ATP7B: variants seen among roughly 807,000 people sequenced by gnomAD.
The protein encoded by ATP7B is copper-transporting ATPase 2.
Under a neutral mutation model 118.9 loss-of-function variants are expected in ATP7B, and 113 were observed. The observed-to-expected ratio is 0.95, with a 90% confidence interval of 0.82 to 1.11. The LOEUF is 1.11. Among genes scored for constraint, ATP7B ranks in the 50% most tolerant of loss-of-function variants. ATP7B has a pLI of 0.00. For synonymous variants in ATP7B, 777 were observed against 727.4 expected (o/e 1.07, Z -1.10); for missense variants, 1,867 against 1,871.4 (o/e 1.00, Z 0.04).
intron 16 of ATP7B, 120 bp from the exon 17 acceptor site, chr13:51,939,313 A>G (rs1291055395): frequency 6.8e-7 from 1 of 1,463,068 alleles, no homozygotes; most frequent in Non-Finnish European, 9.3e-7. Context: ...ATCAAATTAT[A>G]TAACACAATG....
rs964908504 is a variant in ATP7B at position 51,980,746 on chromosome 13, G to T, written c.52-5578C>A. 3.3e-5 allele frequency among the ~76,000 whole-genome samples: 5 copies of T among 152,162 alleles called. No individual in the cohort carries two copies. In the East Asian group the frequency reaches 7.7e-4, roughly 23 times the overall value. On this transcript the variant is annotated intron_variant, in intron 1 of 20. Coordinates refer to ENST00000242839, the MANE Select transcript of ATP7B (RefSeq NM_000053.4). ...TTTGGAGGTCTCTTGATCACTCTTG[G>T]ATTCCCATCAACCTTAAATAGGATA... is the stretch of plus-strand genomic sequence containing the variant.
chr13:51,998,871 T>C (rs1229672332), intron 1 of ATP7B, among the ~76,000 whole-genome samples: 2 of 152,204 alleles, frequency 1.3e-5, no homozygotes, highest in Admixed American at 1.3e-4. Flanking sequence ...AAACATTACC[T>C]GCTCAGTCCA....
At position 51,950,594 on chromosome 13, in the gene ATP7B, G is replaced by A. The variant is rs1193707579; in HGVS notation, c.2448-195C>T. ...TGTTCTAGGCACTGGTGATACAGCT[G>A]TGAATGGCACAGCAAAGGCCCTACT... On this transcript the variant is annotated intron_variant, in intron 9 of 20. Coordinates refer to ENST00000242839, the MANE Select transcript of ATP7B (RefSeq NM_000053.4). Among the ~76,000 whole-genome samples, 4 of 152,200 alleles carry A rather than the reference G, an allele frequency of 2.6e-5. No homozygotes were observed. In the South Asian group the frequency reaches 6.2e-4, roughly 24 times the overall value.
In ATP7B at chr13:51,974,658, G is replaced by A. The variant is rs1412593296; in HGVS notation, c.562C>T (p.Gln188Ter). The change falls in exon 2 of 21, where the codon CAG (glutamine) becomes TAG (stop). Residue 188 changes from glutamine (Q) to a stop codon, truncating the protein, a stop_gained. Transcript: ENST00000242839. LOFTEE classifies it high-confidence loss of function. ...LSNQEAVITY[Q>*]PYLIQPEDLR... ...TCTTCGGGCTGAATGAGATAAGGCT[G>A]ATAAGTGATGACGGCCTCTTGGTTG... is the stretch of plus-strand genomic sequence containing the variant. 3.1e-6 allele frequency: 5 copies of A among 1,611,276 alleles called. No individual in the cohort carries two copies. Among genetic ancestry groups the A allele is most frequent in the Non-Finnish European group, 4.2e-6 (5 of 1,177,934 alleles).
chr13:51,983,196 GAAA>G (rs1952503320), intron 1 of ATP7B, among the ~76,000 whole-genome samples: 12 of 152,322 alleles, frequency 7.9e-5, no homozygotes, highest in Admixed American at 7.2e-4. Flanking sequence ...ACAACAGTCT[GAAA>G]TCGACCTGGG....
chr13:51,972,605 C>A (rs1404297475), intron 2 of ATP7B, among the ~76,000 whole-genome samples: 1 of 152,196 alleles, frequency 6.6e-6, no homozygotes, highest in Non-Finnish European at 1.5e-5. Context: ...CTCTTTCTCA[C>A]CCGGCCTCCT....
chr13:51,989,269 CA>C (rs1413469014), intron 1 of ATP7B, among the ~76,000 whole-genome samples: 4 of 152,036 alleles, frequency 2.6e-5, no homozygotes, highest in African/African-American at 9.7e-5. Context: ...CACAATGGTC[CA>C]AAAAGACTTT....
intron 1 of ATP7B, among the ~76,000 whole-genome samples, chr13:52,002,141 T>G (rs1258026436): frequency 2.0e-5 from 3 of 152,148 alleles, no homozygotes; most frequent in Non-Finnish European, 1.5e-5. Flanking sequence ...TTCCAAGGTC[T>G]AAAACAGTGC....
intron 4 of ATP7B, among the ~76,000 whole-genome samples, 166 bp from the exon 5 acceptor site, chr13:51,965,199 G>A (rs1002588842): frequency 3.3e-5 from 5 of 152,164 alleles, no homozygotes; most frequent in East Asian, 1.9e-4. Context: ...GATTCTCAAC[G>A]TTCCTCCAGC....
chr13:51,980,397 T>C (rs1952357149), intron 1 of ATP7B, among the ~76,000 whole-genome samples: 1 of 151,636 alleles, frequency 6.6e-6, no homozygotes, highest in East Asian at 1.9e-4. Flanking sequence ...CAGAAGGGAG[T>C]CCAAAAGTGA....
chr13:51,984,631 A>T (rs1479827825), intron 1 of ATP7B, among the ~76,000 whole-genome samples: 1 of 152,204 alleles, frequency 6.6e-6, no homozygotes, highest in Admixed American at 6.5e-5. Flanking sequence ...ACCAAGCTTG[A>T]AATGAAGGAA....
chr13:52,009,642 T>C (rs1016930562), intron 1 of ATP7B, among the ~76,000 whole-genome samples: 2 of 152,178 alleles, frequency 1.3e-5, no homozygotes, highest in Admixed American at 6.5e-5. Context: ...CTGCCATTTG[T>C]CAGTTGATTT....
intron 2 of ATP7B, 89 bp downstream of exon 2, chr13:51,973,846 C>T: frequency 6.3e-7 from 1 of 1,576,674 alleles, no homozygotes; most frequent in South Asian, 1.1e-5. Context: ...AGGCAGGGAG[C>T]AGGGCTCACC....
intron 1 of ATP7B, chr13:51,995,455 C>T (rs1395324084): frequency 4.2e-5 from 22 of 528,772 alleles, no homozygotes; most frequent in Non-Finnish European, 4.8e-5. Flanking sequence ...AGGACCACTG[C>T]TTGTGGACAG....
chr13:52,010,426 G>A (rs1953965950), intron 1 of ATP7B, among the ~76,000 whole-genome samples: 1 of 152,170 alleles, frequency 6.6e-6, no homozygotes, highest in East Asian at 1.9e-4. Context: ...GTACAAAGAT[G>A]TTCACTTGCA....
chr13:52,000,355 C>T (rs1953433224), intron 1 of ATP7B, among the ~76,000 whole-genome samples: 1 of 152,182 alleles, frequency 6.6e-6, no homozygotes, highest in Admixed American at 6.5e-5. Context: ...GTGGCTCCCT[C>T]AAGCCTCTTT....
intron 5 of ATP7B, among the ~76,000 whole-genome samples, chr13:51,962,890 G>A (rs144050875): frequency 0.02 from 3,016 of 151,648 alleles, 65 homozygotes; most frequent in South Asian, 0.053. Context: ...TCAGGAGTTC[G>A]AGACCAGCCT....
chr13:51,966,618 AAT>A (rs1951560751), intron 4 of ATP7B: 7 of 745,898 alleles, frequency 9.4e-6, no homozygotes, highest in Non-Finnish European at 1.5e-5. Context: ...ATAAAATCTG[AAT>A]ATGTGATGAC....
At chr13:51,935,724 C>G in intron 19 of ATP7B, 29 bp from the exon 20 acceptor site, 1 of 1,589,956 alleles carries the variant, frequency 6.3e-7, no homozygotes, top group Non-Finnish European at 8.6e-7. Context: ...GCACTCACAC[C>G]TAGGTCTGGG....
Sources: gnomAD v4.1 joint callset for allele counts (sites outside exome capture counted in the v4.1 genomes callset) on GRCh38, gnomAD v4.1.1 for gene constraint, MANE v1.5 for transcripts, NCBI Gene and HGNC (gene_info 2026-07-23, HGNC 2026-07-21) for gene names.